RALYL: variants seen among roughly 807,000 people sequenced by gnomAD.
The protein encoded by RALYL is RALY RNA binding protein like.
RALYL carries 29 observed loss-of-function variants against 35.1 expected under a neutral mutation model. The ratio of observed to expected loss-of-function variants is 0.83; its 90% CI spans 0.61 to 1.13. The LOEUF (loss-of-function observed/expected upper bound fraction) is 1.13, where lower values mean the gene tolerates loss of function less well. Among genes scored for constraint, RALYL ranks in the 50% most tolerant of loss-of-function variants. The pLI, the probability that RALYL is intolerant of heterozygous loss-of-function variation, is 0.00. For missense variants in RALYL, 359 were observed against 360.4 expected, an observed-to-expected ratio of 1.00 and a Z score of 0.03; for synonymous variants, 120 against 127.6, an observed-to-expected ratio of 0.94 and a Z score of 0.40.
At chr8:84,329,887 A>C (rs1436563281) in intron 1 of RALYL, among the ~76,000 whole-genome samples, 1 of 152,086 alleles carries the variant, frequency 6.6e-6, no homozygotes, top group Non-Finnish European at 1.5e-5. Flanking sequence ...GTCTGTTTTC[A>C]GTGGAACTCT....
intron 1 of RALYL, among the ~76,000 whole-genome samples, chr8:84,390,274 G>T (rs991804429): frequency 3.9e-5 from 6 of 152,088 alleles, no homozygotes; most frequent in African/African-American, 7.2e-5. Flanking sequence ...TTGCATCAAT[G>T]TTCATCAAGG....
At chr8:84,826,971 A>G (rs1201323084) in intron 4 of RALYL, among the ~76,000 whole-genome samples, 1 of 152,136 alleles carries the variant, frequency 6.6e-6, no homozygotes, top group Non-Finnish European at 1.5e-5. Flanking sequence ...AAAATACTAA[A>G]AAACTCATAA....
chr8:84,407,291 G>A (rs1051327060), intron 1 of RALYL, among the ~76,000 whole-genome samples: 1 of 152,066 alleles, frequency 6.6e-6, no homozygotes, highest in Non-Finnish European at 1.5e-5. Context: ...CCACTACATA[G>A]CTTCCTGCCT....
chr8:84,915,773 T>G (rs1848368579), intron 8 of RALYL, among the ~76,000 whole-genome samples: 1 of 152,066 alleles, frequency 6.6e-6, no homozygotes, highest in Non-Finnish European at 1.5e-5. Context: ...CCTGACATCA[T>G]TACATCTTAT....
At chr8:84,318,886 A>G (rs996489515) in intron 1 of RALYL, among the ~76,000 whole-genome samples, 12 of 152,182 alleles carry the variant, frequency 7.9e-5, no homozygotes, top group Non-Finnish European at 1.5e-4. Flanking sequence ...TTATTTATTA[A>G]TATTTTCCTC....
chr8:84,688,515 C>A (rs1368315884), intron 2 of RALYL, among the ~76,000 whole-genome samples: 2 of 152,008 alleles, frequency 1.3e-5, no homozygotes, highest in African/African-American at 4.8e-5. Flanking sequence ...AACTGGACAT[C>A]TTAATGCAGC....
chr8:84,440,568 T>C (rs1464796933), intron 1 of RALYL, among the ~76,000 whole-genome samples: 1 of 152,068 alleles, frequency 6.6e-6, no homozygotes, highest in Non-Finnish European at 1.5e-5. Context: ...TCTGTACCTG[T>C]AATTTTACCT....
intron 1 of RALYL, among the ~76,000 whole-genome samples, chr8:84,284,105 A>G (rs1294951369): frequency 1.3e-5 from 2 of 152,204 alleles, no homozygotes; most frequent in African/African-American, 4.8e-5. Context: ...TAGTTGAAAT[A>G]GTTGACAAAG....
At chr8:84,451,218 T>C (rs570315525) in intron 1 of RALYL, among the ~76,000 whole-genome samples, 1 of 152,154 alleles carries the variant, frequency 6.6e-6, no homozygotes, top group Admixed American at 6.6e-5. Context: ...ATTTCTGGGT[T>C]TTATTGGTGA....
chr8:84,739,481 A>G (rs1197900677), intron 2 of RALYL, among the ~76,000 whole-genome samples: 1 of 151,962 alleles, frequency 6.6e-6, no homozygotes, highest in Non-Finnish European at 1.5e-5. Context: ...TCAAGGATAA[A>G]TGGTTCCACC....
At chr8:84,348,254 G>A (rs973442587) in intron 1 of RALYL, among the ~76,000 whole-genome samples, 3 of 152,124 alleles carry the variant, frequency 2.0e-5, no homozygotes, top group Non-Finnish European at 2.9e-5. Context: ...TTCTGAGGAA[G>A]TAACTCACTA....
intron 2 of RALYL, among the ~76,000 whole-genome samples, chr8:84,637,269 ACCTGTGTTTT>A (rs1226496940): frequency 1.3e-5 from 2 of 151,888 alleles, no homozygotes; most frequent in Non-Finnish European, 2.9e-5. Flanking sequence ...GCCCTTTCAA[ACCTGTGTTTT>A]CAGGTATTTA....
At chr8:84,428,368 G>A (rs1043945354) in intron 1 of RALYL, among the ~76,000 whole-genome samples, 14 of 152,072 alleles carry the variant, frequency 9.2e-5, no homozygotes, top group Admixed American at 2.0e-4. Context: ...AGTTTCACAT[G>A]TATCTTGGAT....
At chr8:84,891,970 T>A (rs1340893498) in intron 8 of RALYL, among the ~76,000 whole-genome samples, 1 of 152,158 alleles carries the variant, frequency 6.6e-6, no homozygotes, top group Non-Finnish European at 1.5e-5. Flanking sequence ...AAATCCAGAA[T>A]GCTCTTGAAA....
rs574116537 is a variant in RALYL, at chr8:84,384,940, C to T, written c.-23-144359C>T. On this transcript the variant is annotated intron_variant, in intron 1 of 8. Transcript: ENST00000521268. ...TACTCCATTCCTTCTCCAATTAATA[C>T]TACCCCAATTCTTGCAACATTTGTT... 2.0e-5 allele frequency among the ~76,000 whole-genome samples: 3 copies of T among 151,882 alleles called. No homozygotes were observed. The South Asian group carries it at 6.2e-4, about 31-fold the overall frequency.
At chr8:84,522,693 G>A (rs2058558163) in intron 1 of RALYL, among the ~76,000 whole-genome samples, 1 of 152,014 alleles carries the variant, frequency 6.6e-6, no homozygotes, top group South Asian at 2.1e-4. Flanking sequence ...ATTTTCCATG[G>A]TTTATCTTAA....
intron 2 of RALYL, among the ~76,000 whole-genome samples, chr8:84,583,137 T>C (rs1811221378): frequency 6.6e-6 from 1 of 152,144 alleles, no homozygotes; most frequent in Non-Finnish European, 1.5e-5. Context: ...TAACTTCTGA[T>C]AAATAACAGT....
chr8:84,249,377 A>G (rs1213012142), intron 1 of RALYL, among the ~76,000 whole-genome samples: 2 of 152,108 alleles, frequency 1.3e-5, no homozygotes, highest in Non-Finnish European at 2.9e-5. Flanking sequence ...TTTAGACCTG[A>G]CCTATCTGAG....
chr8:84,863,549 G>C (rs1838549938), intron 6 of RALYL, among the ~76,000 whole-genome samples: 1 of 152,148 alleles, frequency 6.6e-6, no homozygotes. Flanking sequence ...CAGTTTTATT[G>C]ATGAGTAAAC....
Sources: gnomAD v4.1 joint callset for allele counts (sites outside exome capture counted in the v4.1 genomes callset) on GRCh38, gnomAD v4.1.1 for gene constraint, MANE v1.5 for transcripts, NCBI Gene and HGNC (gene_info 2026-07-23, HGNC 2026-07-21) for gene names.